The following CCDC178 variants were observed in gnomAD, a reference collection of about 807,000 sequenced individuals.
The protein encoded by CCDC178 is coiled-coil domain-containing protein 178.
A neutral mutation model predicts 117.4 loss-of-function variants in CCDC178; 126 were observed. The observed-to-expected ratio is 1.07, with a 90% CI of 0.93 to 1.24. CCDC178 has a LOEUF of 1.24. Ranked by LOEUF, CCDC178 falls within the 50% of genes most tolerant of loss-of-function variation. CCDC178 has a pLI of 0.00. For missense variants in CCDC178, 1,030 were observed against 986.9 expected (o/e 1.04, Z -0.59); for synonymous variants, 283 against 313.4 (o/e 0.90, Z 1.02).
chr18:33,186,020 T>A (rs2058789554), intron 20 of CCDC178, among the ~76,000 whole-genome samples: 1 of 152,060 alleles, frequency 6.6e-6, no homozygotes, highest in South Asian at 2.1e-4. Context: ...CCTTAATGAT[T>A]CCATATTTCA....
intron 22 of CCDC178, among the ~76,000 whole-genome samples, chr18:32,945,938 A>G (rs570791805): frequency 1.1e-4 from 17 of 152,236 alleles, no homozygotes; most frequent in Admixed American, 8.5e-4. Flanking sequence ...TTTAACTTTT[A>G]CATAGTCTGT....
intron 18 of CCDC178, among the ~76,000 whole-genome samples, chr18:33,222,253 C>CTCCTTTCCTGCCTCCT (rs2059244722): frequency 6.6e-6 from 1 of 150,670 alleles, no homozygotes; most frequent in African/African-American, 2.4e-5. Context: ...CCCTCCCTCC[C>CTCCTTTCCTGCCTCCT]TCCTTTCCTG....
At chr18:33,018,712 G>A (rs2056049656) in intron 21 of CCDC178, among the ~76,000 whole-genome samples, 1 of 152,020 alleles carries the variant, frequency 6.6e-6, no homozygotes, top group African/African-American at 2.4e-5. Flanking sequence ...ACACAGAATA[G>A]ATTAGAAGTT....
At chr18:33,030,379 T>C (rs182233474) in intron 21 of CCDC178, among the ~76,000 whole-genome samples, 4 of 152,102 alleles carry the variant, frequency 2.6e-5, no homozygotes, top group East Asian at 3.9e-4. Flanking sequence ...TACGTAGGAG[T>C]ATGTAGTTGA....
In CCDC178 at chr18:33,122,479, G is replaced by C. The variant is rs564859429; in HGVS notation, c.2239-29569C>G. ...ATGTAGCCTTCATAGCAGGCATAAT[G>C]CTGTGTTATTAAAATTAGATAATCT... On this transcript the variant is annotated intron_variant, in intron 20 of 22. Transcript: ENST00000383096. Among the ~76,000 whole-genome samples the C allele has an allele frequency of 2.4e-4, 36 of 152,136 alleles. 1 individual carries two copies. In the Middle Eastern group the frequency reaches 0.014, roughly 57 times the overall value.
At chr18:33,048,768 G>C (rs969397336) in intron 21 of CCDC178, among the ~76,000 whole-genome samples, 21 of 152,106 alleles carry the variant, frequency 1.4e-4, no homozygotes, top group African/African-American at 4.8e-4. Context: ...TGCAAAAATA[G>C]ATAGTGAAAA....
intron 15 of CCDC178, among the ~76,000 whole-genome samples, chr18:33,244,886 A>G (rs2059529469): frequency 6.6e-6 from 1 of 151,976 alleles, no homozygotes; most frequent in Admixed American, 6.6e-5. Context: ...CTCACATTAC[A>G]TAAGGTAGAC....
chr18:33,234,674 T>C (rs2059407491), intron 15 of CCDC178, among the ~76,000 whole-genome samples: 1 of 152,098 alleles, frequency 6.6e-6, no homozygotes, highest in Non-Finnish European at 1.5e-5. Context: ...ATTGACAATA[T>C]GACTAACTCC....
At chr18:33,129,194 CT>C (rs1456330133) in intron 20 of CCDC178, among the ~76,000 whole-genome samples, 1 of 152,116 alleles carries the variant, frequency 6.6e-6, no homozygotes, top group Non-Finnish European at 1.5e-5. Context: ...GGGTCCTTAA[CT>C]GCTCATTTAA....
intron 20 of CCDC178, among the ~76,000 whole-genome samples, chr18:33,119,047 T>C (rs2057899190): frequency 6.6e-6 from 1 of 151,372 alleles, no homozygotes; most frequent in Non-Finnish European, 1.5e-5. Context: ...TAAAGATGAA[T>C]TAAAGACTTA....
At chr18:33,181,735 T>TA (rs2058735072) in intron 20 of CCDC178, among the ~76,000 whole-genome samples, 2 of 151,884 alleles carry the variant, frequency 1.3e-5, no homozygotes, top group Admixed American at 1.3e-4. Flanking sequence ...GTGTTTTATC[T>TA]AAACTCTGAT....
chr18:33,282,818 C>T (rs920976278), intron 12 of CCDC178, among the ~76,000 whole-genome samples: 1 of 152,122 alleles, frequency 6.6e-6, no homozygotes, highest in African/African-American at 2.4e-5. Context: ...GCCAGCAAGC[C>T]CGGCTCCCCG....
chr18:33,261,147 G>A (rs939237400), intron 14 of CCDC178, among the ~76,000 whole-genome samples: 1 of 151,930 alleles, frequency 6.6e-6, no homozygotes, highest in Non-Finnish European at 1.5e-5. Context: ...GCAGTGGCAC[G>A]AGCTCGGCTC....
intron 14 of CCDC178, among the ~76,000 whole-genome samples, chr18:33,259,652 C>A (rs1568095565): frequency 6.6e-6 from 1 of 151,426 alleles, no homozygotes; most frequent in African/African-American, 2.4e-5. Flanking sequence ...ATTCAATCAC[C>A]CCCCCCCACC....
At chr18:33,278,282 CATATATATATATAT>C (rs36227101) in intron 12 of CCDC178, among the ~76,000 whole-genome samples, 124,143 of 141,362 alleles carry the variant, frequency 0.88, 54,766 homozygotes, top group East Asian at 0.99. Flanking sequence ...TACACAAATA[CATATATATATATAT>C]ATATATATAT....
At chr18:33,078,606 C>T (rs2057248766) in intron 21 of CCDC178, among the ~76,000 whole-genome samples, 1 of 152,162 alleles carries the variant, frequency 6.6e-6, no homozygotes, top group Non-Finnish European at 1.5e-5. Flanking sequence ...AATAAATGTA[C>T]AAAAATCAGT....
chr18:33,000,314 A>T (rs189340383), intron 21 of CCDC178, among the ~76,000 whole-genome samples: 41 of 151,946 alleles, frequency 2.7e-4, no homozygotes, highest in East Asian at 5.8e-4. Context: ...AAAAATAATT[A>T]AAAAAAATAA....
intron 12 of CCDC178, among the ~76,000 whole-genome samples, chr18:33,278,623 G>A (rs1490769603): frequency 1.3e-5 from 2 of 152,002 alleles, no homozygotes; most frequent in Non-Finnish European, 2.9e-5. Context: ...GAAAATGACT[G>A]AATTTACCAA....
At chr18:33,054,438 C>A (rs1347953047) in intron 21 of CCDC178, among the ~76,000 whole-genome samples, 1 of 152,188 alleles carries the variant, frequency 6.6e-6, no homozygotes, top group Non-Finnish European at 1.5e-5. Flanking sequence ...CATACCCCAA[C>A]AGGCTGCACT....
Sources: gnomAD v4.1 joint callset for allele counts (sites outside exome capture counted in the v4.1 genomes callset) on GRCh38, gnomAD v4.1.1 for gene constraint, MANE v1.5 for transcripts, NCBI Gene and HGNC (gene_info 2026-07-23, HGNC 2026-07-21) for gene names.